FHIT: variants seen among roughly 807,000 people sequenced by gnomAD.
FHIT encodes bis(5'-adenosyl)-triphosphatase.
A neutral mutation model predicts 17.9 loss-of-function variants in FHIT; 19 were observed. That is an observed-to-expected ratio of 1.06 (90% confidence interval 0.74 to 1.56). The LOEUF (loss-of-function observed/expected upper bound fraction) is 1.56, where lower values mean the gene tolerates loss of function less well. FHIT is among the 40% of genes most tolerant of loss of function. FHIT has a pLI of 0.00. For missense variants in FHIT, 248 were observed against 189.2 expected, an observed-to-expected ratio of 1.31 and a Z score of -1.82; for synonymous variants, 81 against 69.7, an observed-to-expected ratio of 1.16 and a Z score of -0.81.
At chr3:60,354,726 C>T (rs150263007) in intron 5 of FHIT, among the ~76,000 whole-genome samples, 60 of 152,232 alleles carry the variant, frequency 3.9e-4, no homozygotes, top group Middle Eastern at 3.4e-3. Flanking sequence ...CAAAGTACGC[C>T]GGTCCAATTG....
intron 7 of FHIT, among the ~76,000 whole-genome samples, chr3:59,994,709 C>T (rs1699432887): frequency 6.6e-6 from 1 of 152,034 alleles, no homozygotes; most frequent in Non-Finnish European, 1.5e-5. Flanking sequence ...TTCCATAAAG[C>T]TGTGTGGTAC....
intron 8 of FHIT, among the ~76,000 whole-genome samples, chr3:59,913,532 C>T (rs1254095499): frequency 2.6e-4 from 39 of 152,030 alleles, no homozygotes; most frequent in Non-Finnish European, 1.5e-5. Context: ...CAGTCCAGCC[C>T]AATGTGTATT....
intron 4 of FHIT, among the ~76,000 whole-genome samples, chr3:60,631,688 G>A (rs1289475649): frequency 6.6e-6 from 1 of 152,132 alleles, no homozygotes; most frequent in East Asian, 1.9e-4. Context: ...TTGTCTCTCT[G>A]GGCCTCAGTC....
Position 60,151,775 on chromosome 3 carries a change from T to G in FHIT, c.104-137623A>C, listed in dbSNP as rs552252453. 1.0e-3 allele frequency among the ~76,000 whole-genome samples: 158 copies of G among 152,308 alleles called. 2 individuals are homozygous for G. The highest frequency in any genetic ancestry group is 3.7e-3 in the African/African-American group (152 of 41,582). ...TCCAAGGTCTCCCTTTTGAATCCATTCAGTTTACTGCACCAATCTCATATC... is the reference window on the plus strand; with the variant it reads ...TCCAAGGTCTCCCTTTTGAATCCATGCAGTTTACTGCACCAATCTCATATC... On this transcript the variant is annotated intron_variant, in intron 5 of 9. Coordinates refer to ENST00000492590, the MANE Select transcript of FHIT (RefSeq NM_002012.4).
rs553929862 is a variant in FHIT, at chr3:60,972,833, G to A, written c.-111+69214C>T. Among the ~76,000 whole-genome samples the A allele has an allele frequency of 2.6e-5, 4 of 152,028 alleles. No homozygotes were observed. In the South Asian group the frequency reaches 8.3e-4, roughly 32 times the overall value. On this transcript the variant is annotated intron_variant, in intron 3 of 9. Coordinates refer to ENST00000492590, the MANE Select transcript of FHIT (RefSeq NM_002012.4). ...GATCATGAATCCTCTCTTCTGTTGT[G>A]TCAACTCTATTATTAAACCTATCTA...
intron 5 of FHIT, among the ~76,000 whole-genome samples, chr3:60,514,578 A>G (rs1397473304): frequency 6.6e-6 from 1 of 152,182 alleles, no homozygotes; most frequent in Non-Finnish European, 1.5e-5. Flanking sequence ...AGATGCAGCA[A>G]CCACCATGGC....
chr3:60,755,406 G>A (rs1393007010), intron 4 of FHIT, among the ~76,000 whole-genome samples: 9 of 152,152 alleles, frequency 5.9e-5, no homozygotes, highest in Admixed American at 2.6e-4. Context: ...AAGATAAGTC[G>A]AAAATCTGCA....
chr3:60,781,967 C>T (rs11709918), intron 4 of FHIT, among the ~76,000 whole-genome samples: 42,460 of 151,958 alleles, frequency 0.28, 6,315 homozygotes, highest in Middle Eastern at 0.34. Flanking sequence ...TACCTACCAT[C>T]GATTCTCCTA....
chr3:60,724,775 A>C (rs1553708966), intron 4 of FHIT, among the ~76,000 whole-genome samples: 1 of 149,928 alleles, frequency 6.7e-6, no homozygotes, highest in African/African-American at 2.5e-5. Context: ...TAGCCTCATG[A>C]GTAGCTGGGA....
chr3:60,264,626 T>C (rs1224773503), intron 5 of FHIT, among the ~76,000 whole-genome samples: 1 of 151,992 alleles, frequency 6.6e-6, no homozygotes, highest in Non-Finnish European at 1.5e-5. Flanking sequence ...ACACTGCATA[T>C]AGAGCATTTA....
chr3:60,950,038 C>T (rs1708808963), intron 3 of FHIT, among the ~76,000 whole-genome samples: 1 of 152,148 alleles, frequency 6.6e-6, no homozygotes, highest in Admixed American at 6.6e-5. Context: ...ATTCCTACTG[C>T]TTAGTGACGT....
rs184006927 is a variant in FHIT at position 60,423,299 on chromosome 3, T to A, written c.103+113561A>T. ...CCTGAAGCCCACATTACATTCAGAC[T>A]TTTTAATGATCCAAAACAAATTCCT... On this transcript the variant is annotated intron_variant, in intron 5 of 9. Coordinates refer to ENST00000492590, the MANE Select transcript of FHIT (RefSeq NM_002012.4). 2.1e-3 allele frequency among the ~76,000 whole-genome samples: 319 copies of A among 152,264 alleles called. 1 individual carries two copies. The highest frequency in any genetic ancestry group is 3.9e-3 in the Non-Finnish European group (265 of 68,018).
chr3:59,890,012 A>G (rs962466400), intron 8 of FHIT, among the ~76,000 whole-genome samples: 1 of 152,210 alleles, frequency 6.6e-6, no homozygotes, highest in Non-Finnish European at 1.5e-5. Flanking sequence ...TAGGCCTTCA[A>G]TGAAGACGTC....
At chr3:60,147,289 A>G (rs1305895747) in intron 5 of FHIT, among the ~76,000 whole-genome samples, 1 of 152,126 alleles carries the variant, frequency 6.6e-6, no homozygotes, top group Non-Finnish European at 1.5e-5. Context: ...TCACCTACAA[A>G]CCGAGTATGA....
intron 3 of FHIT, among the ~76,000 whole-genome samples, chr3:60,860,138 T>TGATATATATATGATATATCTGATATATG (rs1394786638): frequency 5.5e-5 from 8 of 144,926 alleles, no homozygotes; most frequent in South Asian, 2.1e-4. Context: ...ATCTGATATA[T>TGATATATATATGATATATCTGATATATG]ATACATATGG....
intron 5 of FHIT, among the ~76,000 whole-genome samples, chr3:60,410,902 G>T (rs886740578): frequency 2.0e-5 from 3 of 152,044 alleles, no homozygotes; most frequent in Non-Finnish European, 4.4e-5. Flanking sequence ...GGAGTAATAA[G>T]ACAGAGAACT....
chr3:60,980,746 T>A lies in FHIT; in HGVS notation c.-111+61301A>T, dbSNP rs528715454. On this transcript the variant is annotated intron_variant, in intron 3 of 9. Transcript: ENST00000492590. The stretch of plus-strand genomic sequence containing the variant: ...AAATCTAAATGTGTGTGCCTCAATA[T>A]AAACTGTAGCCACCTGGTAGCCTAG... Among the ~76,000 whole-genome samples the A allele has an allele frequency of 7.2e-5, 11 of 152,336 alleles. No homozygotes were observed. The South Asian group carries it at 2.3e-3, about 32-fold the overall frequency.
intron 4 of FHIT, among the ~76,000 whole-genome samples, chr3:60,550,157 G>A (rs574926943): frequency 5.9e-5 from 9 of 152,262 alleles, no homozygotes; most frequent in Middle Eastern, 3.4e-3. Context: ...TCTAACTGAG[G>A]AACAACACAA....
intron 5 of FHIT, among the ~76,000 whole-genome samples, chr3:60,444,594 G>C (rs1576665346): frequency 6.6e-6 from 1 of 152,006 alleles, no homozygotes; most frequent in South Asian, 2.1e-4. Context: ...CTATCACAAG[G>C]ACAAAAAACC....
Sources: allele counts gnomAD v4.1 joint callset (sites outside exome capture counted in the v4.1 genomes callset), GRCh38; gene constraint gnomAD v4.1.1; transcripts MANE v1.5; gene names NCBI Gene and HGNC (gene_info 2026-07-23, HGNC 2026-07-21).